SLCO5A1: variants seen among roughly 807,000 people sequenced by gnomAD.
The protein encoded by SLCO5A1 is solute carrier organic anion transporter family member 5A1.
In SLCO5A1, 39 loss-of-function variants were observed where a neutral mutation model predicts 65.1. The observed-to-expected ratio is 0.60, with a 90% CI of 0.46 to 0.78. The LOEUF (loss-of-function observed/expected upper bound fraction) is 0.78. SLCO5A1 is among the 30% of genes least tolerant of loss of function. The pLI is 0.00. For missense variants in SLCO5A1, 1,029 were observed against 1,069.4 expected, an observed-to-expected ratio of 0.96 and a Z score of 0.53; for synonymous variants, 438 against 415.7, an observed-to-expected ratio of 1.05 and a Z score of -0.65.
chr8:69,684,257 C>T (rs542709273), intron 6 of SLCO5A1, among the ~76,000 whole-genome samples: 15 of 152,280 alleles, frequency 9.9e-5, no homozygotes, highest in South Asian at 2.1e-4. Flanking sequence ...CCTTTGGCAA[C>T]GTCAGGAGAC....
intron 2 of SLCO5A1, among the ~76,000 whole-genome samples, chr8:69,762,187 TTTCTTTCTTTC>T (rs1817823726): frequency 1.2e-5 from 1 of 82,482 alleles, no homozygotes; most frequent in African/African-American, 4.5e-5. Context: ...TCTTTCTTTC[TTTCTTTCTTTC>T]TTTTTTGAGA....
At position 69,673,261 on chromosome 8, in the gene SLCO5A1, C is replaced by G. The variant is rs1236682627; in HGVS notation, c.2155G>C (p.Glu719Gln). The G allele has an allele frequency of 6.2e-7, 1 of 1,614,102 alleles. No individual in the cohort carries two copies. The highest frequency in any genetic ancestry group is 8.5e-7 in the Non-Finnish European group (1 of 1,180,054). The change falls in exon 10 of 10, where the codon GAA (glutamate) becomes CAA (glutamine). Residue 719 changes from glutamate (E) to glutamine (Q), a missense_variant. This residue lies in a region of SLCO5A1 where 258 missense variants were observed against 237.4 expected (regional missense o/e 1.09). Coordinates refer to ENST00000260126, the MANE Select transcript of SLCO5A1 (RefSeq NM_030958.3). Reference sequence around the variant, plus strand: ...CAGCAAGAACCCTGCACACCACATTCCTGTTGCCAGAGCATGCAGGTGGTG... The same window carrying G: ...CAGCAAGAACCCTGCACACCACATTGCTGTTGCCAGAGCATGCAGGTGGTG... ...IDTTCMLWQQECGVQGSCWEY... is the reference protein window; with the variant it reads ...IDTTCMLWQQQCGVQGSCWEY...
chr8:69,688,607 G>A (rs937617935), intron 6 of SLCO5A1, among the ~76,000 whole-genome samples: 101 of 151,568 alleles, frequency 6.7e-4, no homozygotes, highest in Middle Eastern at 3.4e-3. Flanking sequence ...TTGTCCTTGC[G>A]ATAGTTTACT....
chr8:69,688,003 T>C (rs971052119), intron 6 of SLCO5A1, among the ~76,000 whole-genome samples: 3 of 152,116 alleles, frequency 2.0e-5, no homozygotes, highest in Non-Finnish European at 4.4e-5. Context: ...TAAAACATGA[T>C]ACCTTACAGA....
intron 2 of SLCO5A1, among the ~76,000 whole-genome samples, chr8:69,820,466 A>T (rs1363903928): frequency 6.6e-6 from 1 of 152,184 alleles, no homozygotes; most frequent in African/African-American, 2.4e-5. Context: ...CATTGTATAT[A>T]TCACTATAAA....
At chr8:69,769,019 C>T (rs1563713119) in intron 2 of SLCO5A1, among the ~76,000 whole-genome samples, 1 of 152,128 alleles carries the variant, frequency 6.6e-6, no homozygotes, top group South Asian at 2.1e-4. Context: ...TGGTACCATC[C>T]CTTCAGGCTT....
At chr8:69,695,443 C>T (rs1814457271) in intron 6 of SLCO5A1, among the ~76,000 whole-genome samples, 1 of 151,992 alleles carries the variant, frequency 6.6e-6, no homozygotes, top group South Asian at 2.1e-4. Context: ...TTGCAGTGAG[C>T]CGAGATTGTG....
intron 4 of SLCO5A1, among the ~76,000 whole-genome samples, chr8:69,741,420 C>T (rs900503764): frequency 1.3e-5 from 2 of 152,094 alleles, no homozygotes; most frequent in African/African-American, 4.8e-5. Context: ...AACCCTGTAC[C>T]CTCCGTAGGA....
intron 6 of SLCO5A1, 145 bp from the exon 7 acceptor site, chr8:69,682,488 A>C (rs1202705725): frequency 1.4e-6 from 1 of 689,736 alleles, no homozygotes; most frequent in Non-Finnish European, 2.0e-6. Context: ...AGTCATCCTC[A>C]ACAATTATTT....
chr8:69,704,973 C>A, intron 6 of SLCO5A1, 58 bp downstream of exon 6: 1 of 1,527,060 alleles, frequency 6.5e-7, no homozygotes, highest in Non-Finnish European at 9.0e-7. Context: ...TGCACAAACA[C>A]CACAGGGCTT....
intron 2 of SLCO5A1, among the ~76,000 whole-genome samples, chr8:69,800,495 A>G (rs138525483): frequency 4.3e-4 from 65 of 152,224 alleles, no homozygotes; most frequent in Middle Eastern, 3.4e-3. Context: ...TTGCTACTCT[A>G]TATGAACAGC....
chr8:69,695,560 T>C (rs537437776), intron 6 of SLCO5A1, among the ~76,000 whole-genome samples: 24 of 152,216 alleles, frequency 1.6e-4, no homozygotes, highest in South Asian at 4.2e-4. Context: ...TTCTCTCTTT[T>C]TTTTTTTAAC....
In SLCO5A1 at chr8:69,708,151, A is replaced by C. The variant is rs146962195; in HGVS notation, c.1424-2922T>G. Among the ~76,000 whole-genome samples the C allele has an allele frequency of 6.6e-3, 1,008 of 152,324 alleles. 13 individuals are homozygous for C. The highest frequency in any genetic ancestry group is 0.023 in the African/African-American group (950 of 41,568). ...TTGAAAATGAACAGCCACAGAGGCC[A>C]GAGGAAATGTGGGAAACAAAAATGT... On this transcript the variant is annotated intron_variant, in intron 5 of 9. Coordinates refer to ENST00000260126, the MANE Select transcript of SLCO5A1 (RefSeq NM_030958.3).
intron 2 of SLCO5A1, among the ~76,000 whole-genome samples, chr8:69,827,015 G>C (rs1178478025): frequency 2.0e-5 from 3 of 151,936 alleles, no homozygotes; most frequent in African/African-American, 7.3e-5. Flanking sequence ...GATGAAGCTG[G>C]AAATCATCAT....
chr8:69,749,119 G>A (rs10110141), intron 4 of SLCO5A1, among the ~76,000 whole-genome samples: 18,791 of 152,164 alleles, frequency 0.12, 2,082 homozygotes, highest in African/African-American at 0.3. Context: ...AACTGACCTG[G>A]ACACATTCAT....
At chr8:69,789,139 G>A (rs984156263) in intron 2 of SLCO5A1, among the ~76,000 whole-genome samples, 2 of 152,110 alleles carry the variant, frequency 1.3e-5, no homozygotes, top group Non-Finnish European at 2.9e-5. Flanking sequence ...ACCGACCCAG[G>A]ACACAACACT....
At position 69,670,404 on chromosome 8, in the gene SLCO5A1, A is replaced by G. The variant is rs1451506457; in HGVS notation, c.*2465T>C. On this transcript the variant is annotated 3_prime_UTR_variant, in exon 10 of 10. Coordinates refer to ENST00000260126, the MANE Select transcript of SLCO5A1 (RefSeq NM_030958.3). The stretch of plus-strand genomic sequence containing the variant: ...TACCATAGCCCCAAGTATTTTGTGA[A>G]CCACTCTTAATTGGTACATATTCCA... 2 of 152,216 alleles carry G rather than the reference A, an allele frequency of 1.3e-5. No homozygotes were observed. Among genetic ancestry groups the G allele is most frequent in the Non-Finnish European group, 2.9e-5 (2 of 68,038 alleles). 9.4% of individuals were successfully genotyped at this position (152,216 alleles called of 1,614,324 possible).
chr8:69,727,000 G>A (rs1254132059), intron 5 of SLCO5A1, among the ~76,000 whole-genome samples: 2 of 152,122 alleles, frequency 1.3e-5, no homozygotes, highest in South Asian at 2.1e-4. Context: ...CAGGCACTGT[G>A]TGAAGCCCAC....
intron 2 of SLCO5A1, among the ~76,000 whole-genome samples, chr8:69,818,536 A>G (rs189436635): frequency 2.0e-5 from 3 of 152,332 alleles, no homozygotes; most frequent in Admixed American, 2.0e-4. Context: ...GAGAGGAGAG[A>G]TCAATAAAAC....
Sources: gnomAD v4.1 joint callset for allele counts (sites outside exome capture counted in the v4.1 genomes callset) on GRCh38, gnomAD v4.1.1 for gene constraint, gnomAD v4.1.1 regional missense constraint, MANE v1.5 for transcripts, NCBI Gene and HGNC (gene_info 2026-07-23, HGNC 2026-07-21) for gene names.